Variants in PPP2R2A observed in about 807,000 individuals in gnomAD.
PPP2R2A encodes the protein serine/threonine-protein phosphatase 2A 55 kDa regulatory subunit B alpha isoform.
Under a neutral mutation model 53.2 loss-of-function variants are expected in PPP2R2A, and 9 were observed. That is an observed-to-expected ratio of 0.17 (90% CI 0.10 to 0.30). The LOEUF (loss-of-function observed/expected upper bound fraction) is 0.30. PPP2R2A is among the 10% of genes least tolerant of loss of function. PPP2R2A has a pLI of 1.00. For missense variants in PPP2R2A, 235 were observed against 534.6 expected, an observed-to-expected ratio of 0.44 and a Z score of 5.53; for synonymous variants, 169 against 174.2, an observed-to-expected ratio of 0.97 and a Z score of 0.23.
chr8:26,321,500 G>A lies in PPP2R2A; in HGVS notation c.83-17390G>A, dbSNP rs1320559509. Among the ~76,000 whole-genome samples, 2 of 152,326 alleles carry A rather than the reference G, an allele frequency of 1.3e-5. No homozygotes were observed. Among genetic ancestry groups the A allele is most frequent in the Middle Eastern group, 3.4e-3 (1 of 294 alleles). ...TTCCACAAGTGGGGCAAGATGCTGG[G>A]ATGCTGCTTCAGAGGTTAGGTTACA... On this transcript the variant is annotated intron_variant, in intron 2 of 9. Coordinates refer to ENST00000380737, the MANE Select transcript of PPP2R2A (RefSeq NM_002717.4). This position sits in a 1 kb window ranked among gnomAD's most constrained non-coding sequence, Gnocchi z 4.1.
intron 2 of PPP2R2A, among the ~76,000 whole-genome samples, chr8:26,331,559 C>T (rs557204582): frequency 6.2e-4 from 94 of 152,260 alleles, no homozygotes; most frequent in African/African-American, 2.1e-3. Flanking sequence ...GTAGAGGAGA[C>T]TGATTACCTA....
At chr8:26,299,449 T>C (rs1801685268) in intron 2 of PPP2R2A, among the ~76,000 whole-genome samples, 1 of 152,230 alleles carries the variant, frequency 6.6e-6, no homozygotes, top group South Asian at 2.1e-4. Context: ...TTATAAAGTC[T>C]TATTTTATGA....
intron 3 of PPP2R2A, among the ~76,000 whole-genome samples, chr8:26,339,219 C>G (rs3808572): frequency 0.019 from 2,945 of 152,216 alleles, 46 homozygotes; most frequent in Admixed American, 0.048. Flanking sequence ...TGTAAAAATA[C>G]TTGATTAGAG....
chr8:26,304,114 C>G (rs990230351), intron 2 of PPP2R2A, among the ~76,000 whole-genome samples: 6 of 152,112 alleles, frequency 3.9e-5, no homozygotes, highest in African/African-American at 7.2e-5. Context: ...GTGCTGGATT[C>G]TAAATTTGGA....
At chr8:26,340,692 A>G (rs774832626) in intron 3 of PPP2R2A, among the ~76,000 whole-genome samples, 3 of 152,094 alleles carry the variant, frequency 2.0e-5, no homozygotes, top group Non-Finnish European at 4.4e-5. Flanking sequence ...TGTCCAAGTC[A>G]AAATCAAGTG....
At chr8:26,311,846 C>T (rs1055203648) in intron 2 of PPP2R2A, among the ~76,000 whole-genome samples, 1 of 151,844 alleles carries the variant, frequency 6.6e-6, no homozygotes, top group African/African-American at 2.4e-5. Flanking sequence ...GTGGGGTGCA[C>T]CTAGAACATG....
At position 26,363,811 on chromosome 8, in the gene PPP2R2A, G is replaced by A. The variant is rs949845248; in HGVS notation, c.893G>A (p.Arg298Gln). 6 of 1,608,526 alleles carry A rather than the reference G, an allele frequency of 3.7e-6. No homozygotes were observed. Among genetic ancestry groups the A allele is most frequent in the Non-Finnish European group, 5.1e-6 (6 of 1,176,048 alleles). ...GATGTAAAATTCAGCCATAGTGGTC[G>A]ATATATGATGACTAGAGACTATTTG... ...ISDVKFSHSG[R>Q]YMMTRDYLSV... The change falls in exon 8 of 10, where the codon CGA (arginine) becomes CAA (glutamine). Residue 298 changes from arginine (R) to glutamine (Q), a missense_variant. Coordinates refer to ENST00000380737, the MANE Select transcript of PPP2R2A (RefSeq NM_002717.4).
chr8:26,361,180 G>T (rs1267160497), intron 6 of PPP2R2A, 29 bp downstream of exon 6: 1 of 1,539,064 alleles, frequency 6.5e-7, no homozygotes, highest in Admixed American at 2.2e-5. Context: ...TTGGTGTTTG[G>T]TGAAGAAGGC....
At chr8:26,356,126 C>T (rs2117387109) in intron 4 of PPP2R2A, among the ~76,000 whole-genome samples, 1 of 152,260 alleles carries the variant, frequency 6.6e-6, no homozygotes, top group South Asian at 2.1e-4. Context: ...CTTATTTTCT[C>T]ATCCCCTCAC....
chr8:26,357,327 G>T (rs1222968564), intron 4 of PPP2R2A, among the ~76,000 whole-genome samples: 2 of 141,556 alleles, frequency 1.4e-5, no homozygotes, highest in African/African-American at 5.3e-5. Flanking sequence ...AACTATATCT[G>T]TGGGAGAATG....
chr8:26,326,082 C>T lies in PPP2R2A; in HGVS notation c.83-12808C>T, dbSNP rs550641264. Among the ~76,000 whole-genome samples, 10 of 152,314 alleles carry T rather than the reference C, an allele frequency of 6.6e-5. No homozygotes were observed. In the South Asian group the frequency reaches 2.1e-3, roughly 32 times the overall value. ...GAACTTCTGAGCTCAAGTGATCCTC[C>T]CACTTTGGCCTCCCAAAATGCTGGG... is the stretch of plus-strand genomic sequence containing the variant. On this transcript the variant is annotated intron_variant, in intron 2 of 9. Transcript: ENST00000380737.
rs1323488794 is a variant in PPP2R2A at position 26,371,656 on chromosome 8, C to G, written c.*1243C>G. 1.6e-4 allele frequency: 24 copies of G among 152,114 alleles called. No individual in the cohort carries two copies. The highest frequency in any genetic ancestry group is 1.6e-3 in the Admixed American group (24 of 15,274). The allele number at this position is 152,114 out of a possible 1,614,324, so 9.4% of individuals were successfully genotyped here. A position where few individuals can be genotyped will look rare whatever the true frequency, so the allele number is the denominator to read the frequency against. On this transcript the variant is annotated 3_prime_UTR_variant, in exon 10 of 10. Transcript: ENST00000380737. ...TGCTATCAAATCAGAATGAAATATACTTTACCATAGATATTTTTCTTCTAT... is the reference window on the plus strand; with the variant it reads ...TGCTATCAAATCAGAATGAAATATAGTTTACCATAGATATTTTTCTTCTAT...
chr8:26,350,263 C>T (rs1804424763), intron 3 of PPP2R2A, among the ~76,000 whole-genome samples: 1 of 152,078 alleles, frequency 6.6e-6, no homozygotes, highest in African/African-American at 2.4e-5. Context: ...GAGAGTTTCA[C>T]TGTGTTAGCC....
intron 9 of PPP2R2A, among the ~76,000 whole-genome samples, 194 bp downstream of exon 9, chr8:26,366,600 G>C (rs1805388722): frequency 6.6e-6 from 1 of 152,006 alleles, no homozygotes; most frequent in African/African-American, 2.4e-5. Context: ...ACAAATTCTA[G>C]GTAATCTAAA....
chr8:26,353,827 G>A (rs888267701), intron 3 of PPP2R2A, among the ~76,000 whole-genome samples: 4 of 152,178 alleles, frequency 2.6e-5, no homozygotes, highest in African/African-American at 9.7e-5. Context: ...AGTTGTTGAT[G>A]GGGGTGCATG....
intron 2 of PPP2R2A, among the ~76,000 whole-genome samples, chr8:26,304,418 G>T (rs1264217472): frequency 6.6e-6 from 1 of 152,092 alleles, no homozygotes; most frequent in East Asian, 1.9e-4. Context: ...TATTAAGAGA[G>T]AAATCAGAGT....
chr8:26,322,285 C>CA (rs1283311302), intron 2 of PPP2R2A, among the ~76,000 whole-genome samples: 1 of 152,118 alleles, frequency 6.6e-6, no homozygotes, highest in Non-Finnish European at 1.5e-5. Context: ...AAAATTGTAA[C>CA]AAAAATATAA....
chr8:26,360,771 A>T lies in PPP2R2A; in HGVS notation c.460-203A>T, dbSNP rs527695135. On this transcript the variant is annotated intron_variant, in intron 5 of 9. Transcript: ENST00000380737. This position sits in a 1 kb window ranked among gnomAD's most constrained non-coding sequence, Gnocchi z 4.5. ...AAATTCTAATAGTATTGCAACCAGT[A>T]AAAGAAGATATATTATCCACATTGT... The T allele has an allele frequency of 2.0e-6, 1 of 507,196 alleles. No individual in the cohort carries two copies. Among genetic ancestry groups the T allele is most frequent in the Non-Finnish European group, 3.4e-6 (1 of 297,936 alleles). The allele number at this position is 507,196 out of a possible 1,614,324, so 31.4% of individuals were successfully genotyped here. A position where few individuals can be genotyped will look rare whatever the true frequency, so the allele number is the denominator to read the frequency against.
At chr8:26,292,717 A>C (rs1192926218) in intron 1 of PPP2R2A, among the ~76,000 whole-genome samples, 1 of 152,140 alleles carries the variant, frequency 6.6e-6, no homozygotes, top group Admixed American at 6.5e-5. Flanking sequence ...CTTTTTGTAC[A>C]TGTTGGTATT....
Sources: gnomAD v4.1 joint callset for allele counts (sites outside exome capture counted in the v4.1 genomes callset) on GRCh38, gnomAD v4.1.1 for gene constraint, Gnocchi (gnomAD v3.1) non-coding constraint, MANE v1.5 for transcripts, NCBI Gene and HGNC (gene_info 2026-07-23, HGNC 2026-07-21) for gene names.